Variants in MED12 observed in about 807,000 individuals in gnomAD.
The protein encoded by MED12 is mediator complex subunit 12.
In MED12, 10 loss-of-function variants were observed where a neutral mutation model predicts 177.7. The ratio of observed to expected loss-of-function variants is 0.06; its 90% CI spans 0.03 to 0.10. The LOEUF (loss-of-function observed/expected upper bound fraction) is 0.10. Ranked by LOEUF, MED12 falls within the 10% of genes least tolerant of loss-of-function variation. The pLI is 1.00. For synonymous variants in MED12, 641 were observed against 678.4 expected (o/e 0.94, Z 0.86); for missense variants, 867 against 1,780.8 (o/e 0.49, Z 9.23).
In MED12 at chrX:71,127,149, A is replaced by G. The variant is rs369144097; in HGVS notation, c.2849+17A>G. 6.7e-6 allele frequency: 8 copies of G among 1,202,422 alleles called. No homozygotes were observed. The highest frequency in any genetic ancestry group is 7.9e-6 in the Non-Finnish European group (7 of 890,734). On this transcript the variant is annotated intron_variant, in intron 20 of 44. Transcript: ENST00000374080. ...CTTTGAGGGGTAAGCAGAGCTTCGG[A>G]ATAACTGAAACAAAGCTCTGGCGAA...
Position 71,124,807 on chromosome X carries a change from G to A in MED12, c.2018G>A (p.Ser673Asn). Residue 673 changes from serine to asparagine, a missense_variant, in exon 14 of 45, where the codon AGT becomes AAT. This residue lies in a region of MED12 where 309 missense variants were observed against 556.3 expected (regional missense o/e 0.56). Transcript: ENST00000374080. ...TCTATGGACATTGACCCTAGTTCCA[G>A]TGTTCTCTTTGAGGACATGGAGAAG... ...SESMDIDPSS[S>N]VLFEDMEKPD... 8.3e-7 allele frequency: 1 copy of A among 1,210,349 alleles called. No individual in the cohort carries two copies. The highest frequency in any genetic ancestry group is 1.1e-6 in the Non-Finnish European group (1 of 894,245).
intron 11 of MED12, 71 bp downstream of exon 11, chrX:71,123,297 A>G: frequency 1.7e-6 from 2 of 1,160,401 alleles, no homozygotes; most frequent in South Asian, 3.6e-5. Context: ...AGACCGAGAG[A>G]TGGAGGTGGT....
At chrX:71,136,830 C>T (rs1266115187) in intron 37 of MED12, 49 bp from the exon 38 acceptor site, 1 of 1,207,981 alleles carries the variant, frequency 8.3e-7, no homozygotes, top group African/African-American at 1.7e-5. Flanking sequence ...AGCTCCCCGA[C>T]CCCATTCAGC....
In MED12 at chrX:71,122,540, G is replaced by A. The variant is rs747199355; in HGVS notation, c.1281G>A (p.Gln427=). 4 of 1,210,318 alleles carry A rather than the reference G, an allele frequency of 3.3e-6. No homozygotes were observed. The African/African-American group carries it at 7.0e-5, about 21-fold the overall frequency. The change falls in exon 9 of 45, where the codon CAG becomes CAA. Residue 427 remains glutamine, a synonymous_variant. Transcript: ENST00000374080. The stretch of plus-strand genomic sequence containing the variant: ...CAAAGTTGCGGGAGATCGAGCAGCA[G>A]ATCAAGGAGCGGGGACAGGCAGTTG... ...VRAKLREIEQ[Q]IKERGQAVEV... is the part of the protein sequence containing the mutation.
At chrX:71,138,828 C>T (rs757111249) in intron 41 of MED12, among the ~76,000 whole-genome samples, 9 of 111,105 alleles carry the variant, frequency 8.1e-5, no homozygotes, top group Non-Finnish European at 1.5e-4. Flanking sequence ...GATAAGGAGT[C>T]GTAAAGCCAG....
chrX:71,130,051 G>A lies in MED12; in HGVS notation c.3884G>A (p.Arg1295His), dbSNP rs1556337063. ...SICQQEWVGE[R>H]CLKSLCEDSN... ...CTTCCTCAGGAATGGGTAGGAGAAC[G>A]TTGCCTTAAGTCTCTGTGTGAGGAC... Residue 1295 changes from arginine to histidine, a missense_variant, in exon 28 of 45, where the codon CGT (arginine) becomes CAT (histidine). By Grantham distance (29) the Arg-to-His change is conservative. Coordinates refer to ENST00000374080, the MANE Select transcript of MED12 (RefSeq NM_005120.3). 8.3e-7 allele frequency: 1 copy of A among 1,209,197 alleles called. No homozygotes were observed. The highest frequency in any genetic ancestry group is 1.1e-6 in the Non-Finnish European group (1 of 894,228).
Position 71,137,104 on chromosome X carries a change from C to T in MED12, c.5551+75C>T, listed in dbSNP as rs948919691. The T allele has an allele frequency of 4.2e-6, 5 of 1,188,450 alleles. No homozygotes were observed. In the Admixed American group the frequency reaches 6.8e-5, roughly 16 times the overall value. On this transcript the variant is annotated intron_variant, in intron 38 of 44. Coordinates refer to ENST00000374080, the MANE Select transcript of MED12 (RefSeq NM_005120.3). Reference sequence around the variant, plus strand: ...CCTGCCCAAAGGATGATGCCATTCCCCTGAGGAGCTATGGATGTCAAGGAC... The same window carrying T: ...CCTGCCCAAAGGATGATGCCATTCCTCTGAGGAGCTATGGATGTCAAGGAC...
chrX:71,141,289 G>A lies in MED12; in HGVS notation c.6327G>A (p.Gln2109=), dbSNP rs1333460909. 2.6e-6 allele frequency: 3 copies of A among 1,138,262 alleles called. No individual in the cohort carries two copies. Among genetic ancestry groups the A allele is most frequent in the Non-Finnish European group, 3.5e-6 (3 of 851,688 alleles). The allele number at this position is 1,138,262 out of a possible 1,213,427, so 93.8% of individuals were successfully genotyped here. The stretch of plus-strand genomic sequence containing the variant: ...AGCAGCAACAGCAACAGCAGCAGCA[G>A]CAACAGCAACAACAGCAACACCAGC... ...QQQQQQQQQQ[Q]QQQQQQHQQQ... Residue 2109 remains glutamine, a synonymous_variant, in exon 43 of 45, where the codon CAG becomes CAA. Transcript: ENST00000374080.
intron 15 of MED12, 42 bp downstream of exon 15, chrX:71,125,188 A>T (rs773696237): frequency 8.3e-7 from 1 of 1,203,375 alleles, no homozygotes; most frequent in Non-Finnish European, 1.1e-6. Context: ...TTTTGAACCC[A>T]GATTGCTGTC....
chrX:71,138,289 C>T (rs772136849), intron 41 of MED12, among the ~76,000 whole-genome samples: 10 of 110,943 alleles, frequency 9.0e-5, no homozygotes, highest in Non-Finnish European at 1.7e-4. Flanking sequence ...AATTCGAGGC[C>T]AGCCTGGGCA....
Position 71,123,635 on chromosome X carries a change from C to G in MED12, c.1659C>G (p.Ile553Met). 8.3e-7 allele frequency: 1 copy of G among 1,209,512 alleles called. No homozygotes were observed. Among genetic ancestry groups the G allele is most frequent in the Non-Finnish European group, 1.1e-6 (1 of 893,849 alleles). The change falls in exon 12 of 45, where the codon ATC becomes ATG. Residue 553 changes from isoleucine (I) to methionine (M), a missense_variant. Around this residue, in one of 14 missense-constraint regions of MED12, gnomAD observed 309 missense variants for 556.3 expected, o/e 0.56. Coordinates refer to ENST00000374080, the MANE Select transcript of MED12 (RefSeq NM_005120.3). ...ESEAADEKGSIASGSLSAPSA... is the reference protein window; with the variant it reads ...ESEAADEKGSMASGSLSAPSA... ...AAGCCGCAGATGAGAAGGGTTCCAT[C>G]GCCTCTGGCTCCCTTTCTGCTCCCA... is the stretch of plus-strand genomic sequence containing the variant.
At chrX:71,137,424 A>G in intron 39 of MED12, 41 bp downstream of exon 39, 2 of 1,193,225 alleles carry the variant, frequency 1.7e-6, no homozygotes, top group Non-Finnish European at 2.3e-6. Context: ...GCTGTCAGGG[A>G]GAGGGGCTTT....
At chrX:71,125,238 T>C in intron 15 of MED12, 92 bp downstream of exon 15, 2 of 1,192,824 alleles carry the variant, frequency 1.7e-6, no homozygotes, top group Non-Finnish European at 2.3e-6. Flanking sequence ...TCTGAGGATG[T>C]GGGTTGGGAA....
In MED12 at chrX:71,121,045, G is replaced by A. The variant is rs1379201163; in HGVS notation, c.628G>A (p.Ala210Thr). 1 of 1,212,016 alleles carries A rather than the reference G, an allele frequency of 8.3e-7. No individual in the cohort carries two copies. Among genetic ancestry groups the A allele is most frequent in the South Asian group, 1.8e-5 (1 of 56,970 alleles). Residue 210 changes from alanine to threonine, a missense_variant, in exon 5 of 45, where the codon GCA (alanine) becomes ACA (threonine). Ala to Thr is a moderately conservative substitution (Grantham distance 58). Around this residue, in one of 14 missense-constraint regions of MED12, gnomAD observed 309 missense variants for 556.3 expected, o/e 0.56. Coordinates refer to ENST00000374080, the MANE Select transcript of MED12 (RefSeq NM_005120.3). Reference sequence around the variant, plus strand: ...GGCTGAATACTACCGGCCAGGGCCTGCAGGAAGTGGGGGCTGTGGTTCCAC... The same window carrying A: ...GGCTGAATACTACCGGCCAGGGCCTACAGGAAGTGGGGGCTGTGGTTCCAC... ...KMAEYYRPGP[A>T]GSGGCGSTIG...
In MED12 at chrX:71,121,171, T is replaced by C. The variant is rs369585015; in HGVS notation, c.735+19T>C. The C allele has an allele frequency of 1.9e-5, 23 of 1,209,769 alleles. No homozygotes were observed. The highest frequency in any genetic ancestry group is 5.3e-5 in the South Asian group (3 of 56,833). ...GTTTCAGGTAGAGAGTAGGGCATGC[T>C]GTGTGGGGCATTGGGTTGAGCTTGA... On this transcript the variant is annotated intron_variant, in intron 5 of 44. Transcript: ENST00000374080.
At chrX:71,124,953 C>T (rs780268621) in intron 14 of MED12, 23 bp from the exon 15 acceptor site, 3 of 1,209,371 alleles carry the variant, frequency 2.5e-6, no homozygotes, top group Admixed American at 2.2e-5. Context: ...TTCTCATGTT[C>T]TGCTTTCTCA....
At position 71,134,359 on chromosome X, in the gene MED12, G is replaced by T. The variant is rs756385578; in HGVS notation, c.4620G>T (p.Val1540=). ...CTGACTTGTTGTGGCCCTGGCAGGT[G>T]GGGGGCATGTTTGACACGGTGCAGC... ...HEALKLRLNL[V]GGMFDTVQRS... The change falls in exon 34 of 45, where the codon GTG becomes GTT. Residue 1540 remains valine, a splice_region_variant and synonymous_variant. Transcript: ENST00000374080. 1.4e-5 allele frequency: 16 copies of T among 1,131,118 alleles called. No homozygotes were observed. In the Admixed American group the frequency reaches 3.1e-4, roughly 22 times the overall value. The allele number at this position is 1,131,118 out of a possible 1,213,427, so 93.2% of individuals were successfully genotyped here.
In MED12 at chrX:71,135,157, G is replaced by A. The variant is rs964113005; in HGVS notation, c.4929G>A (p.Lys1643=). ...TTCGCCAGCTGCTGCCACTGCCCAA[G>A]CAGACCCGAGATGTCATCACGTGTG... ...EKVRQLLPLP[K]QTRDVITCEP... is the part of the protein sequence containing the mutation. Residue 1643 remains lysine, a synonymous_variant, in exon 36 of 45, where the codon AAG becomes AAA. Transcript: ENST00000374080. The A allele has an allele frequency of 5.0e-6, 6 of 1,209,527 alleles. No homozygotes were observed. Among genetic ancestry groups the A allele is most frequent in the Non-Finnish European group, 5.6e-6 (5 of 895,048 alleles).
At position 71,136,909 on chromosome X, in the gene MED12, C is replaced by T; in HGVS notation, c.5431C>T (p.Pro1811Ser). The T allele has an allele frequency of 1.7e-6, 2 of 1,211,199 alleles. No individual in the cohort carries two copies. The highest frequency in any genetic ancestry group is 2.2e-6 in the Non-Finnish European group (2 of 895,470). The change falls in exon 38 of 45, where the codon CCT becomes TCT. Residue 1811 changes from proline (P) to serine (S), a missense_variant. Around this residue, in one of 14 missense-constraint regions of MED12, gnomAD observed 236 missense variants for 345.2 expected, o/e 0.68. Coordinates refer to ENST00000374080, the MANE Select transcript of MED12 (RefSeq NM_005120.3). ...TGGAATGGGCCCGGGTCGGAGCGGCCCTTATGGTGTGACAGTGCCTCCGGA... is the reference window on the plus strand; with the variant it reads ...TGGAATGGGCCCGGGTCGGAGCGGCTCTTATGGTGTGACAGTGCCTCCGGA... ...DYGMGPGRSG[P>S]YGVTVPPDLL...
Sources: allele counts gnomAD v4.1 joint callset (sites outside exome capture counted in the v4.1 genomes callset), GRCh38; gene constraint gnomAD v4.1.1; regional missense constraint gnomAD v4.1.1; transcripts MANE v1.5; gene names NCBI Gene and HGNC (gene_info 2026-07-23, HGNC 2026-07-21).